DTNA: variants seen among roughly 807,000 people sequenced by gnomAD.
DTNA encodes dystrobrevin alpha.
In DTNA, 43 loss-of-function variants were observed where a neutral mutation model predicts 100.7. That is an observed-to-expected ratio of 0.43 (90% confidence interval 0.33 to 0.55). The LOEUF (loss-of-function observed/expected upper bound fraction) is 0.55. Among genes scored for constraint, DTNA ranks in the 20% least tolerant of loss-of-function variants. The pLI, the probability that DTNA is intolerant of heterozygous loss-of-function variation, is 0.04. For missense variants in DTNA, 798 were observed against 953.9 expected, an observed-to-expected ratio of 0.84 and a Z score of 2.15; for synonymous variants, 349 against 347.9, an observed-to-expected ratio of 1.00 and a Z score of -0.04.
Position 34,889,260 on chromosome 18 carries a change from G to A in DTNA, c.*1526G>A, listed in dbSNP as rs963491379. ...CAATAGTTCTCAAAGTGTGTTCCCC[G>A]GACAAGCAGCATCTGCAACACTTAG... On this transcript the variant is annotated 3_prime_UTR_variant, in exon 23 of 23. Coordinates refer to ENST00000444659, the MANE Select transcript of DTNA (RefSeq NM_001386795.1). The A allele has an allele frequency of 1.0e-5, 10 of 984,896 alleles. No individual in the cohort carries two copies. In the African/African-American group the frequency reaches 1.0e-4, roughly 10 times the overall value. 61.0% of individuals were successfully genotyped at this position (984,896 alleles called of 1,614,324 possible). A position where few individuals can be genotyped will look rare whatever the true frequency, so the allele number is the denominator to read the frequency against.
intron 1 of DTNA, among the ~76,000 whole-genome samples, chr18:34,566,032 T>G (rs926626251): frequency 6.6e-6 from 1 of 152,114 alleles, no homozygotes; most frequent in Admixed American, 6.6e-5. Flanking sequence ...ATTAATGAAA[T>G]ACACTCAATG....
chr18:34,583,439 T>A (rs1253332228), intron 1 of DTNA, among the ~76,000 whole-genome samples: 1 of 152,140 alleles, frequency 6.6e-6, no homozygotes, highest in Non-Finnish European at 1.5e-5. Context: ...GGCAGAGAAT[T>A]ACAATTAAAA....
chr18:34,802,511 G>A (rs1420841020), intron 4 of DTNA, among the ~76,000 whole-genome samples: 1 of 152,140 alleles, frequency 6.6e-6, no homozygotes, highest in East Asian at 1.9e-4. Context: ...TTCCATTTGG[G>A]ATGTATCAGC....
intron 9 of DTNA, among the ~76,000 whole-genome samples, chr18:34,823,416 T>A (rs2095776522): frequency 6.6e-6 from 1 of 152,208 alleles, no homozygotes; most frequent in Admixed American, 6.5e-5. Flanking sequence ...TACAGTGCTG[T>A]ACAATGGAAA....
intron 2 of DTNA, 67 bp from the exon 3 acceptor site, chr18:34,765,894 T>G: frequency 6.7e-7 from 1 of 1,496,692 alleles, no homozygotes; most frequent in Non-Finnish European, 9.3e-7. Flanking sequence ...GTTGTTTTAT[T>G]TGTAAACATT....
intron 4 of DTNA, among the ~76,000 whole-genome samples, chr18:34,796,475 G>C (rs9948390): frequency 0.025 from 3,860 of 152,274 alleles, 170 homozygotes; most frequent in African/African-American, 0.087. Context: ...GTGTTTAAGA[G>C]AACCGTCTGT....
At chr18:34,733,214 T>G (rs1310008627) in intron 1 of DTNA, among the ~76,000 whole-genome samples, 1 of 152,122 alleles carries the variant, frequency 6.6e-6, no homozygotes, top group Non-Finnish European at 1.5e-5. Flanking sequence ...GGAGCCAGCC[T>G]CCCCTTCATT....
Position 34,543,937 on chromosome 18 carries a change from T to C in DTNA, c.-2+50423T>C, listed in dbSNP as rs190473197. On this transcript the variant is annotated intron_variant, in intron 1 of 19. Transcript: ENST00000283365. The stretch of plus-strand genomic sequence containing the variant: ...ATAGAAAGGTGTGAAGGAAGGGGGC[T>C]GTTTTTGCACGAAATTTTAGAGCCA... Among the ~76,000 whole-genome samples, 1,051 of 152,186 alleles carry C rather than the reference T, an allele frequency of 6.9e-3. 9 individuals carry two copies. Among genetic ancestry groups the C allele is most frequent in the Non-Finnish European group, 9.4e-3 (641 of 67,984 alleles).
At chr18:34,766,082 C>A in intron 3 of DTNA, 41 bp downstream of exon 3, 1 of 1,595,866 alleles carries the variant, frequency 6.3e-7, no homozygotes, top group Non-Finnish European at 8.6e-7. Context: ...CATCATGAAT[C>A]CTATAGTTTA....
chr18:34,789,367 G>A (rs1354508358), intron 3 of DTNA, among the ~76,000 whole-genome samples: 1 of 152,174 alleles, frequency 6.6e-6, no homozygotes, highest in African/African-American at 2.4e-5. Flanking sequence ...TCATGTTGCT[G>A]TCCTACTTAA....
In DTNA at chr18:34,534,120, GCAGAT is replaced by G. The variant is rs79496922; in HGVS notation, c.-2+40607_-2+40611del. Among the ~76,000 whole-genome samples, 403 of 152,128 alleles carry G rather than the reference GCAGAT, an allele frequency of 2.6e-3. 1 individual carries two copies. Among genetic ancestry groups the G allele is most frequent in the Middle Eastern group, 0.01 (3 of 294 alleles). ...CCAGCACTTTGGGAGTCCAAGGCGG[GCAGAT>G]AACTGAGGTCAGGAGTTTGAGACCA... is the stretch of plus-strand genomic sequence containing the variant. On this transcript the variant is annotated intron_variant, in intron 1 of 19. Coordinates refer to the DTNA transcript ENST00000283365.
chr18:34,671,361 T>C (rs1291468243), intron 1 of DTNA, among the ~76,000 whole-genome samples: 1 of 152,192 alleles, frequency 6.6e-6, no homozygotes, highest in Non-Finnish European at 1.5e-5. Context: ...GGGAATTCAC[T>C]GACCCCTTGT....
chr18:34,651,318 A>G (rs1015169774), intron 1 of DTNA, among the ~76,000 whole-genome samples: 11 of 152,226 alleles, frequency 7.2e-5, no homozygotes, highest in African/African-American at 2.4e-4. Flanking sequence ...AAAACAAGGT[A>G]ATACTTGAAA....
At chr18:34,534,498 T>C (rs180941331) in intron 1 of DTNA, among the ~76,000 whole-genome samples, 172 of 152,170 alleles carry the variant, frequency 1.1e-3, no homozygotes, top group African/African-American at 4.0e-3. Context: ...TTTTTAACTT[T>C]AAGTTCTGGA....
At chr18:34,823,627 T>C (rs1415205591) in intron 9 of DTNA, among the ~76,000 whole-genome samples, 5 of 152,248 alleles carry the variant, frequency 3.3e-5, no homozygotes, top group Non-Finnish European at 5.9e-5. Flanking sequence ...CTTAGAACTA[T>C]ACATAGCAAT....
chr18:34,673,547 A>G (rs1041430958), intron 1 of DTNA, among the ~76,000 whole-genome samples: 4 of 152,142 alleles, frequency 2.6e-5, no homozygotes, highest in Admixed American at 6.5e-5. Flanking sequence ...ATGCTGTGCA[A>G]GAAACAGCTG....
intron 1 of DTNA, among the ~76,000 whole-genome samples, chr18:34,593,826 A>G (rs556750260): frequency 2.0e-5 from 3 of 152,304 alleles, no homozygotes; most frequent in African/African-American, 7.2e-5. Context: ...TACAATCTCA[A>G]TAGTTTTATG....
intron 1 of DTNA, among the ~76,000 whole-genome samples, chr18:34,719,827 A>G (rs1387477312): frequency 2.0e-5 from 3 of 152,122 alleles, no homozygotes; most frequent in African/African-American, 7.2e-5. Flanking sequence ...CTACCCAAAT[A>G]CTGTCAATCA....
intron 1 of DTNA, among the ~76,000 whole-genome samples, chr18:34,530,102 T>C (rs970945631): frequency 1.3e-5 from 2 of 152,084 alleles, no homozygotes; most frequent in Admixed American, 6.6e-5. Flanking sequence ...TTGGTGGTGA[T>C]GGCATTTTGT....
Sources: allele counts gnomAD v4.1 joint callset (sites outside exome capture counted in the v4.1 genomes callset), GRCh38; gene constraint gnomAD v4.1.1; transcripts MANE v1.5; gene names NCBI Gene and HGNC (gene_info 2026-07-23, HGNC 2026-07-21).